SLC41A2: variants seen among roughly 807,000 people sequenced by gnomAD.
SLC41A2 encodes the protein SLC41A1-like 1.
In SLC41A2, 32 loss-of-function variants were observed where a neutral mutation model predicts 58.3. The observed-to-expected ratio is 0.55, with a 90% CI of 0.41 to 0.74. The LOEUF (loss-of-function observed/expected upper bound fraction) is 0.74. SLC41A2 is among the 30% of genes least tolerant of loss of function. SLC41A2 has a pLI of 0.00. For missense variants in SLC41A2, 514 were observed against 680.6 expected, an observed-to-expected ratio of 0.76 and a Z score of 2.72; for synonymous variants, 190 against 235.0, an observed-to-expected ratio of 0.81 and a Z score of 1.75.
intron 6 of SLC41A2, among the ~76,000 whole-genome samples, chr12:104,882,421 A>C (rs1366410094): frequency 1.3e-5 from 2 of 151,840 alleles, no homozygotes; most frequent in African/African-American, 4.8e-5. Flanking sequence ...CATCGATGGT[A>C]TTTACAATTT....
Position 104,928,020 on chromosome 12 carries a change from C to G in SLC41A2, c.508G>C (p.Ala170Pro). 1 of 1,613,172 alleles carries G rather than the reference C, an allele frequency of 6.2e-7. No individual in the cohort carries two copies. Among genetic ancestry groups the G allele is most frequent in the Non-Finnish European group, 8.5e-7 (1 of 1,179,454 alleles). Reference protein sequence around the residue: ...ALQILVPFLLAGFGTVSAGMV... With the variant: ...ALQILVPFLLPGFGTVSAGMV... ...CCAGCTGAAACTGTTCCAAAACCAG[C>G]TAGCAAAAAGGGCACAAGTATTTGC... Residue 170 changes from alanine to proline, a missense_variant, in exon 2 of 11, where the codon GCT (alanine) becomes CCT (proline). By Grantham distance (27) the Ala-to-Pro change is conservative. Transcript: ENST00000258538.
At chr12:104,906,412 G>T (rs2045853640) in intron 3 of SLC41A2, among the ~76,000 whole-genome samples, 1 of 152,070 alleles carries the variant, frequency 6.6e-6, no homozygotes, top group Non-Finnish European at 1.5e-5. Context: ...TGGTGTATGT[G>T]TGAGGTCTTT....
intron 10 of SLC41A2, among the ~76,000 whole-genome samples, chr12:104,842,482 C>A (rs1273867670): frequency 2.6e-5 from 4 of 152,062 alleles, no homozygotes; most frequent in Non-Finnish European, 5.9e-5. Flanking sequence ...ATCAATGACA[C>A]ACCATTTATA....
rs900084804 is a variant in SLC41A2 at position 104,815,893 on chromosome 12, T to A, written c.1537-10556A>T. On this transcript the variant is annotated intron_variant, in intron 10 of 10. Coordinates refer to ENST00000258538, the MANE Select transcript of SLC41A2 (RefSeq NM_001352171.3). ...TAAGCATCTTTTCTTTGGCTTGAACTATTTTGTTGGGTGGCAGGTGGGGGA... is the reference window on the plus strand; with the variant it reads ...TAAGCATCTTTTCTTTGGCTTGAACAATTTTGTTGGGTGGCAGGTGGGGGA... Among the ~76,000 whole-genome samples, 18 of 152,326 alleles carry A rather than the reference T, an allele frequency of 1.2e-4. 1 individual carries two copies. The highest frequency in any genetic ancestry group is 8.5e-4 in the Admixed American group (13 of 15,294).
At chr12:104,942,034 A>G (rs1347872469) in intron 1 of SLC41A2, among the ~76,000 whole-genome samples, 2 of 152,220 alleles carry the variant, frequency 1.3e-5, no homozygotes, top group African/African-American at 4.8e-5. Flanking sequence ...ATGGCAAACA[A>G]GGTGAATTAG....
intron 10 of SLC41A2, among the ~76,000 whole-genome samples, chr12:104,818,930 G>A (rs1178043019): frequency 1.3e-5 from 2 of 152,160 alleles, no homozygotes; most frequent in East Asian, 1.9e-4. Flanking sequence ...CACCATCTTA[G>A]TGGGAGATGT....
chr12:104,814,114 A>G lies in SLC41A2; in HGVS notation c.1537-8777T>C, dbSNP rs571032676. Among the ~76,000 whole-genome samples the G allele has an allele frequency of 3.3e-5, 5 of 152,334 alleles. No individual in the cohort carries two copies. In the East Asian group the frequency reaches 9.6e-4, roughly 29 times the overall value. ...AAGTGCTGTGGTCAAAACATATGAA[A>G]TCTACTCAGTCAGGCATGGTGGCTC... On this transcript the variant is annotated intron_variant, in intron 10 of 10. Coordinates refer to ENST00000258538, the MANE Select transcript of SLC41A2 (RefSeq NM_001352171.3).
intron 10 of SLC41A2, among the ~76,000 whole-genome samples, chr12:104,807,920 C>G (rs886997719): frequency 6.6e-6 from 1 of 152,094 alleles, no homozygotes; most frequent in Non-Finnish European, 1.5e-5. Flanking sequence ...GATTTTGTAT[C>G]CTGAGACTTT....
intron 8 of SLC41A2, among the ~76,000 whole-genome samples, chr12:104,853,930 T>TATTTA (rs1565842793): frequency 7.1e-6 from 1 of 140,106 alleles, no homozygotes; most frequent in African/African-American, 2.7e-5. Flanking sequence ...TTTTTTTTTT[T>TATTTA]TTTTTTTTTA....
chr12:104,864,374 T>G (rs557734968), intron 7 of SLC41A2, among the ~76,000 whole-genome samples: 1 of 152,218 alleles, frequency 6.6e-6, no homozygotes. Context: ...CTGTATTTTA[T>G]GTTCAAAATA....
At chr12:104,944,708 C>A (rs2135957880) in intron 1 of SLC41A2, among the ~76,000 whole-genome samples, 1 of 152,224 alleles carries the variant, frequency 6.6e-6, no homozygotes, top group South Asian at 2.1e-4. Flanking sequence ...CTCAAAACCA[C>A]CCCAAAAGCC....
At chr12:104,888,571 G>T (rs1366623875) in intron 5 of SLC41A2, among the ~76,000 whole-genome samples, 1 of 151,976 alleles carries the variant, frequency 6.6e-6, no homozygotes, top group Non-Finnish European at 1.5e-5. Flanking sequence ...TAAGTATAAG[G>T]TTATATTTGT....
chr12:104,908,777 G>A (rs1247678502), intron 3 of SLC41A2, among the ~76,000 whole-genome samples: 2 of 152,140 alleles, frequency 1.3e-5, no homozygotes, highest in Non-Finnish European at 2.9e-5. Context: ...TTTTTAAAAT[G>A]TTTATGCTTT....
At chr12:104,933,807 C>T (rs889694639) in intron 1 of SLC41A2, among the ~76,000 whole-genome samples, 4 of 151,932 alleles carry the variant, frequency 2.6e-5, no homozygotes, top group African/African-American at 7.3e-5. Flanking sequence ...TTCTAAGTGA[C>T]GTAACTCAGG....
intron 4 of SLC41A2, among the ~76,000 whole-genome samples, chr12:104,894,485 C>G (rs2045184384): frequency 1.3e-5 from 2 of 152,148 alleles, no homozygotes; most frequent in Admixed American, 1.3e-4. Context: ...GAGGTCAGAT[C>G]TCAGATTTTC....
intron 1 of SLC41A2, among the ~76,000 whole-genome samples, chr12:104,937,206 C>T (rs548622238): frequency 6.6e-6 from 1 of 152,268 alleles, no homozygotes; most frequent in South Asian, 2.1e-4. Context: ...TTTTGTGTAG[C>T]CTAAGTGTGT....
intron 10 of SLC41A2, among the ~76,000 whole-genome samples, chr12:104,821,948 G>A (rs2041653587): frequency 1.3e-5 from 2 of 151,962 alleles, no homozygotes; most frequent in African/African-American, 4.8e-5. Flanking sequence ...TTCTTGGCTG[G>A]GTGTTCATTA....
intron 2 of SLC41A2, among the ~76,000 whole-genome samples, chr12:104,919,351 G>C (rs946521424): frequency 6.6e-6 from 1 of 152,176 alleles, no homozygotes; most frequent in African/African-American, 2.4e-5. Flanking sequence ...ATTCTCTGGG[G>C]ATAAATGCCC....
chr12:104,822,407 C>T (rs1024857098), intron 10 of SLC41A2, among the ~76,000 whole-genome samples: 5 of 152,114 alleles, frequency 3.3e-5, no homozygotes, highest in African/African-American at 9.7e-5. Context: ...AAGGCATATT[C>T]GCTTACTTAA....
Sources: gnomAD v4.1 joint callset for allele counts (sites outside exome capture counted in the v4.1 genomes callset) on GRCh38, gnomAD v4.1.1 for gene constraint, MANE v1.5 for transcripts, NCBI Gene and HGNC (gene_info 2026-07-23, HGNC 2026-07-21) for gene names.